RRM2: variants seen among roughly 807,000 people sequenced by gnomAD.
The protein encoded by RRM2 is ribonucleotide reductase regulatory subunit M2, also known as ribonucleoside-diphosphate reductase subunit M2.
Under a neutral mutation model 45.9 loss-of-function variants are expected in RRM2, and 6 were observed. The ratio of observed to expected loss-of-function variants is 0.13; its 90% confidence interval spans 0.07 to 0.26. The LOEUF is 0.26. RRM2 is among the 10% of genes least tolerant of loss of function. The probability of loss-of-function intolerance (pLI) is 1.00; values close to 1 mark genes in which losing one functional copy is unlikely to be tolerated. For missense variants in RRM2, 343 were observed against 489.5 expected, an observed-to-expected ratio of 0.70 and a Z score of 2.82; for synonymous variants, 177 against 173.0, an observed-to-expected ratio of 1.02 and a Z score of -0.18.
At chr2:10,152,277 G>A (rs948742942) in intron 3 of RRM2, among the ~76,000 whole-genome samples, 5 of 151,990 alleles carry the variant, frequency 3.3e-5, no homozygotes, top group African/African-American at 1.2e-4. Context: ...ATCGAGTTGT[G>A]TTATATATTA....
chr2:10,150,777 T>TTTG (rs1553324037), intron 3 of RRM2, among the ~76,000 whole-genome samples: 2 of 147,714 alleles, frequency 1.4e-5, no homozygotes, highest in African/African-American at 5.0e-5. Flanking sequence ...TTGTGTTTTT[T>TTTG]TTTTTTTTTT....
intron 3 of RRM2, among the ~76,000 whole-genome samples, chr2:10,158,176 C>T (rs1663473887): frequency 6.6e-6 from 1 of 152,122 alleles, no homozygotes; most frequent in Non-Finnish European, 1.5e-5. Flanking sequence ...TCAGAGAATC[C>T]AGGTCATTTA....
In RRM2 at chr2:10,123,057, G is replaced by T. The variant is rs779934028; in HGVS notation, c.174G>T (p.Pro58=). The T allele has an allele frequency of 3.2e-6, 5 of 1,554,200 alleles. No homozygotes were observed. Among genetic ancestry groups the T allele is most frequent in the Admixed American group, 3.8e-5 (2 of 53,322 alleles). Residue 58 remains proline, a splice_region_variant and synonymous_variant, in exon 2 of 10, where the codon CCG becomes CCT. Coordinates refer to ENST00000304567, the MANE Select transcript of RRM2 (RefSeq NM_001034.4). ...GGATCTTCCAGGAGCCCACGGAGCCGGTGAGTGGCGGGCGTGGGGCAGAGG... is the reference window on the plus strand; with the variant it reads ...GGATCTTCCAGGAGCCCACGGAGCCTGTGAGTGGCGGGCGTGGGGCAGAGG... ...ARRIFQEPTE[P]KTKAAAPGVE...
chr2:10,162,379 T>A (rs1663580576), intron 3 of RRM2, among the ~76,000 whole-genome samples: 1 of 152,178 alleles, frequency 6.6e-6, no homozygotes, highest in South Asian at 2.1e-4. Flanking sequence ...ATATTAGTCA[T>A]GAGCGCTGGC....
chr2:10,173,171 C>CT (rs1228704289), intron 3 of RRM2, among the ~76,000 whole-genome samples: 3 of 152,026 alleles, frequency 2.0e-5, no homozygotes. Context: ...CCCCTACCTC[C>CT]TAGGATCATC....
intron 3 of RRM2, among the ~76,000 whole-genome samples, chr2:10,176,034 C>G (rs1453435814): frequency 6.6e-6 from 1 of 152,170 alleles, no homozygotes; most frequent in African/African-American, 2.4e-5. Flanking sequence ...TGTAGCATGT[C>G]TGAATTTCTT....
chr2:10,202,326 A>C (rs1664582237), intron 3 of RRM2, among the ~76,000 whole-genome samples: 1 of 152,234 alleles, frequency 6.6e-6, no homozygotes, highest in Non-Finnish European at 1.5e-5. Flanking sequence ...ATGTAAGGAC[A>C]GTGGCTTGGA....
At chr2:10,138,386 C>G (rs556645475), upstream of RRM2, among the ~76,000 whole-genome samples, 16 of 152,232 alleles carry the variant, frequency 1.1e-4, no homozygotes, top group African/African-American at 3.9e-4. Flanking sequence ...AGGCTGGTCT[C>G]GAACTCCTGA....
chr2:10,139,172 T>C (rs1329352631), upstream of RRM2, among the ~76,000 whole-genome samples: 2 of 152,138 alleles, frequency 1.3e-5, no homozygotes, highest in African/African-American at 2.4e-5. Context: ...ATCTCCACAG[T>C]TGAACATCTT....
At chr2:10,180,307 G>A (rs920316925) in intron 3 of RRM2, among the ~76,000 whole-genome samples, 5 of 152,232 alleles carry the variant, frequency 3.3e-5, no homozygotes, top group South Asian at 4.1e-4. Context: ...CTGTGAGCCT[G>A]GAGGTTATTA....
intron 3 of RRM2, among the ~76,000 whole-genome samples, chr2:10,197,452 C>T (rs930750059): frequency 4.6e-5 from 7 of 152,202 alleles, no homozygotes; most frequent in African/African-American, 1.4e-4. Context: ...TGGCCTCCTG[C>T]CCTGCCCCAG....
chr2:10,170,813 C>T (rs1663786647), intron 3 of RRM2, among the ~76,000 whole-genome samples: 1 of 152,228 alleles, frequency 6.6e-6, no homozygotes, highest in Non-Finnish European at 1.5e-5. Flanking sequence ...GCCCCCGCCC[C>T]CAGCCACAGC....
intron 3 of RRM2, among the ~76,000 whole-genome samples, chr2:10,144,073 C>T (rs965856791): frequency 2.0e-5 from 3 of 152,234 alleles, no homozygotes; most frequent in African/African-American, 4.8e-5. Context: ...TCACTATTCA[C>T]GCACAGCGCC....
intron 3 of RRM2, among the ~76,000 whole-genome samples, chr2:10,180,599 C>A (rs1160245135): frequency 1.3e-5 from 2 of 152,150 alleles, no homozygotes; most frequent in African/African-American, 4.8e-5. Context: ...AGGGCTCCTG[C>A]CTCCTGCTCA....
chr2:10,206,244 TC>T (rs1664663223), intron 3 of RRM2, among the ~76,000 whole-genome samples: 1 of 82,736 alleles, frequency 1.2e-5, no homozygotes, highest in Non-Finnish European at 2.8e-5. Context: ...AGACTCCGTC[TC>T]AAAAAAAAAA....
At chr2:10,128,079 C>T (rs1184847487) in intron 7 of RRM2, among the ~76,000 whole-genome samples, 1 of 152,014 alleles carries the variant, frequency 6.6e-6, no homozygotes, top group African/African-American at 2.4e-5. Context: ...GTAGGAGAAT[C>T]GCCTGAACCT....
chr2:10,188,847 T>C (rs1283696820), intron 3 of RRM2, among the ~76,000 whole-genome samples: 2 of 152,106 alleles, frequency 1.3e-5, no homozygotes, highest in Admixed American at 6.5e-5. Context: ...TGTCTTCCTG[T>C]GTCCTCCTAG....
At chr2:10,135,325 A>G (rs1393224146), downstream of RRM2, among the ~76,000 whole-genome samples, 1 of 152,194 alleles carries the variant, frequency 6.6e-6, no homozygotes, top group East Asian at 1.9e-4. Context: ...AACTCAAACA[A>G]CAAATGGAAC....
upstream of RRM2, chr2:10,122,581 G>A (rs924131295): frequency 4.1e-6 from 6 of 1,448,734 alleles, no homozygotes; most frequent in African/African-American, 4.4e-5. Context: ...ATCGCGCGCG[G>A]CCCCGCGGCC....
Sources: gnomAD v4.1 joint callset for allele counts (sites outside exome capture counted in the v4.1 genomes callset) on GRCh38, gnomAD v4.1.1 for gene constraint, MANE v1.5 for transcripts, NCBI Gene and HGNC (gene_info 2026-07-23, HGNC 2026-07-21) for gene names.